KLRF1: variants seen among roughly 807,000 people sequenced by gnomAD.
KLRF1 encodes the protein killer cell lectin-like receptor subfamily F member 1.
A neutral mutation model predicts 30.7 loss-of-function variants in KLRF1; 27 were observed. The ratio of observed to expected loss-of-function variants is 0.88; its 90% CI spans 0.65 to 1.21. The LOEUF (loss-of-function observed/expected upper bound fraction) is 1.21. Among genes scored for constraint, KLRF1 ranks in the 50% most tolerant of loss-of-function variants. The pLI, the probability that KLRF1 is intolerant of heterozygous loss-of-function variation, is 0.00. For missense variants in KLRF1, 246 were observed against 259.3 expected (o/e 0.95, Z 0.35); for synonymous variants, 92 against 89.3 (o/e 1.03, Z -0.17).
the KLRF1 span, among the ~76,000 whole-genome samples, chr12:9,815,735 G>A: frequency 1.3e-5 from 2 of 152,200 alleles, no homozygotes; most frequent in Non-Finnish European, 2.9e-5. Flanking sequence ...TGGCTTCCAG[G>A]CATAGTCCTT....
upstream of KLRF1, among the ~76,000 whole-genome samples, chr12:9,826,912 A>T (rs1305451346): frequency 6.6e-6 from 1 of 152,126 alleles, no homozygotes; most frequent in Non-Finnish European, 1.5e-5. Flanking sequence ...GAAAAACATA[A>T]CTATGTAGTA....
At chr12:9,812,357 G>A in the KLRF1 span, among the ~76,000 whole-genome samples, 1 of 113,132 alleles carries the variant, frequency 8.8e-6, no homozygotes, top group Admixed American at 1.1e-4. Flanking sequence ...AGAGCGAGAC[G>A]CCGTCTCAGG....
the KLRF1 span, among the ~76,000 whole-genome samples, chr12:9,810,798 G>A: frequency 6.6e-6 from 1 of 152,232 alleles, no homozygotes; most frequent in East Asian, 1.9e-4. Context: ...TTTATGAAGT[G>A]ACTTGCCAGT....
At chr12:9,801,426 G>C in the KLRF1 span, among the ~76,000 whole-genome samples, 8 of 151,964 alleles carry the variant, frequency 5.3e-5, no homozygotes, top group Non-Finnish European at 1.0e-4. Flanking sequence ...TCACCACACT[G>C]TCTTCTACAA....
the KLRF1 span, among the ~76,000 whole-genome samples, chr12:9,815,792 C>T: frequency 3.3e-5 from 5 of 152,256 alleles, no homozygotes; most frequent in South Asian, 4.1e-4. Context: ...ATGGCTGCTG[C>T]GGCTGCTGCT....
Position 9,842,321 on chromosome 12 carries a change from G to A in KLRF1, c.475G>A (p.Ala159Thr), listed in dbSNP as rs1171695007. The A allele has an allele frequency of 1.2e-6, 2 of 1,609,998 alleles. No homozygotes were observed. Among genetic ancestry groups the A allele is most frequent in the South Asian group, 2.2e-5 (2 of 90,486 alleles). The change falls in exon 5 of 6, where the codon GCT becomes ACT. Residue 159 changes from alanine to threonine, a missense_variant and splice_region_variant. Ala to Thr is a moderately conservative substitution (Grantham distance 58). Transcript: ENST00000617889. The stretch of plus-strand genomic sequence containing the variant: ...ATTTAGTCCCTCGTCCACATTTTAG[G>A]CTTTTATACAGAAAAACCTAAGACA... ...LLIIHDQLEM[A>T]FIQKNLRQLN... is the part of the protein sequence containing the mutation.
At chr12:9,815,405 G>C in the KLRF1 span, among the ~76,000 whole-genome samples, 58 of 152,336 alleles carry the variant, frequency 3.8e-4, no homozygotes, top group South Asian at 1.0e-3. Flanking sequence ...GAGGACTCTG[G>C]GATAGGAGCT....
the KLRF1 span, among the ~76,000 whole-genome samples, chr12:9,800,290 G>C: frequency 6.6e-6 from 1 of 152,082 alleles, no homozygotes; most frequent in South Asian, 2.1e-4. Context: ...TCTAATTGGT[G>C]TGTAAATGTT....
the KLRF1 span, chr12:9,817,431 C>T: frequency 1.5e-4 from 66 of 432,246 alleles, 1 homozygote; most frequent in Non-Finnish European, 2.2e-4. Context: ...TTATCACAGA[C>T]GGAGCTGTTA....
chr12:9,806,380 T>C, the KLRF1 span, among the ~76,000 whole-genome samples: 1 of 152,106 alleles, frequency 6.6e-6, no homozygotes, highest in African/African-American at 2.4e-5. Context: ...TATTGCATTG[T>C]TGTAGGAAGA....
At chr12:9,843,231 C>T (rs781606789) in intron 5 of KLRF1, among the ~76,000 whole-genome samples, 10 of 152,104 alleles carry the variant, frequency 6.6e-5, no homozygotes, top group Non-Finnish European at 8.8e-5. Context: ...AGCCAAGGCA[C>T]GCAGGTGGCC....
At position 9,832,892 on chromosome 12, in the gene KLRF1, A is replaced by G. The variant is rs150371950; in HGVS notation, c.185-411A>G. The stretch of plus-strand genomic sequence containing the variant: ...CAAATTCCCCAAAATTTTTAAGAAA[A>G]GAATAGTCAGGGTGAGGAATGTGAT... On this transcript the variant is annotated intron_variant, in intron 2 of 5. Transcript: ENST00000617889. Among the ~76,000 whole-genome samples, 1,024 of 152,290 alleles carry G rather than the reference A, an allele frequency of 6.7e-3. 13 individuals carry two copies. The highest frequency in any genetic ancestry group is 0.024 in the African/African-American group (981 of 41,566).
At position 9,843,666 on chromosome 12, in the gene KLRF1, G is replaced by A. The variant is rs1031827080; in HGVS notation, c.588-752G>A. On this transcript the variant is annotated intron_variant, in intron 5 of 5. Coordinates refer to ENST00000617889, the MANE Select transcript of KLRF1 (RefSeq NM_016523.3). ...ATTCATCACTACCCGTTAGGGTTGA[G>A]TTTTAAGTCTAGATCATGCTTGGAG... Among the ~76,000 whole-genome samples the A allele has an allele frequency of 7.9e-5, 12 of 152,252 alleles. No homozygotes were observed. The East Asian group carries it at 2.1e-3, about 27-fold the overall frequency.
the KLRF1 span, among the ~76,000 whole-genome samples, chr12:9,818,375 A>C: frequency 6.6e-6 from 1 of 152,286 alleles, no homozygotes; most frequent in East Asian, 1.9e-4. Flanking sequence ...CTGCCCATGG[A>C]ATGTGTGTGA....
At chr12:9,806,571 A>G in the KLRF1 span, among the ~76,000 whole-genome samples, 6 of 152,142 alleles carry the variant, frequency 3.9e-5, no homozygotes, top group African/African-American at 1.4e-4. Flanking sequence ...CAGTTTGACA[A>G]TCTGAGCCTT....
upstream of KLRF1, among the ~76,000 whole-genome samples, chr12:9,824,695 T>A (rs1867261924): frequency 6.6e-6 from 1 of 152,194 alleles, no homozygotes; most frequent in Non-Finnish European, 1.5e-5. Flanking sequence ...TCAGACCATA[T>A]GATTATATAC....
chr12:9,832,829 C>T (rs1867470561), intron 2 of KLRF1, among the ~76,000 whole-genome samples: 1 of 152,018 alleles, frequency 6.6e-6, no homozygotes. Context: ...TTTTGTCCAG[C>T]AAATATTCAC....
chr12:9,819,075 A>G, the KLRF1 span, among the ~76,000 whole-genome samples: 1 of 152,186 alleles, frequency 6.6e-6, no homozygotes, highest in Non-Finnish European at 1.5e-5. Context: ...CAATTCTCCC[A>G]TGGATCTTTG....
At chr12:9,832,950 A>T (rs933055605) in intron 2 of KLRF1, among the ~76,000 whole-genome samples, 2 of 152,120 alleles carry the variant, frequency 1.3e-5, no homozygotes, top group African/African-American at 2.4e-5. Flanking sequence ...CTAAGTAATT[A>T]TGGTACAATG....
Sources: gnomAD v4.1 joint callset for allele counts (sites outside exome capture counted in the v4.1 genomes callset) on GRCh38, gnomAD v4.1.1 for gene constraint, MANE v1.5 for transcripts, NCBI Gene and HGNC (gene_info 2026-07-23, HGNC 2026-07-21) for gene names.